BMPER: variants seen among roughly 807,000 people sequenced by gnomAD.
BMPER encodes BMP-binding endothelial regulator protein.
In BMPER, 45 loss-of-function variants were observed where a neutral mutation model predicts 87.3. The observed-to-expected ratio is 0.52, with a 90% CI of 0.41 to 0.66. BMPER has a LOEUF of 0.66. Ranked by LOEUF, BMPER falls within the 30% of genes least tolerant of loss-of-function variation. BMPER has a pLI of 0.00. For missense variants in BMPER, 784 were observed against 867.5 expected (o/e 0.90, Z 1.21); for synonymous variants, 326 against 316.2 (o/e 1.03, Z -0.33).
At chr7:33,955,182 C>G (rs1219406719) in intron 3 of BMPER, among the ~76,000 whole-genome samples, 1 of 152,192 alleles carries the variant, frequency 6.6e-6, no homozygotes, top group African/African-American at 2.4e-5. Flanking sequence ...CAGGCGTAAG[C>G]CACTGTGCCT....
At chr7:34,024,922 TTTC>T (rs1468688905) in intron 6 of BMPER, among the ~76,000 whole-genome samples, 2 of 151,986 alleles carry the variant, frequency 1.3e-5, no homozygotes, top group African/African-American at 4.8e-5. Context: ...AGAAAGAAAG[TTTC>T]TCAAATAGGA....
At chr7:33,941,549 C>T (rs1245227054) in intron 3 of BMPER, among the ~76,000 whole-genome samples, 4 of 152,076 alleles carry the variant, frequency 2.6e-5, no homozygotes, top group Non-Finnish European at 5.9e-5. Context: ...TAGATGGTCC[C>T]ATCTAGGGTT....
At chr7:33,910,722 C>T (rs905883573) in intron 2 of BMPER, among the ~76,000 whole-genome samples, 1 of 152,192 alleles carries the variant, frequency 6.6e-6, no homozygotes, top group African/African-American at 2.4e-5. Flanking sequence ...ATCAGGGCTC[C>T]ACCTGTCTTG....
chr7:34,019,775 T>C (rs1325767578), intron 6 of BMPER, among the ~76,000 whole-genome samples: 1 of 151,876 alleles, frequency 6.6e-6, no homozygotes, highest in African/African-American at 2.4e-5. Flanking sequence ...GTCAACACAC[T>C]AGCAATTACA....
intron 6 of BMPER, among the ~76,000 whole-genome samples, chr7:34,031,993 AT>A (rs1161830763): frequency 7.0e-6 from 1 of 143,730 alleles, no homozygotes; most frequent in Non-Finnish European, 1.5e-5. Flanking sequence ...ATATAAATAT[AT>A]ATGTGTGTGT....
chr7:33,997,664 G>A (rs1270569253), intron 6 of BMPER, among the ~76,000 whole-genome samples: 1 of 152,254 alleles, frequency 6.6e-6, no homozygotes, highest in Middle Eastern at 3.4e-3. Flanking sequence ...TGTGAAAACG[G>A]AGTAATATAC....
rs1044055700 is a variant in BMPER, at chr7:34,143,261, G to C, written c.1777G>C (p.Val593Leu). 9.3e-6 allele frequency: 15 copies of C among 1,614,064 alleles called. No homozygotes were observed. Among genetic ancestry groups the C allele is most frequent in the Non-Finnish European group, 1.3e-5 (15 of 1,179,960 alleles). Residue 593 changes from valine (V) to leucine (L), a missense_variant, in exon 14 of 15, where the codon GTC (valine) becomes CTC (leucine). By Grantham distance (32) the Val-to-Leu change is conservative (BLOSUM62 1). Coordinates refer to ENST00000649409, the MANE Select transcript of BMPER (RefSeq NM_001365308.1). ...SCVTDMCECP[V>L]HKNCYCESFL... ...TGTGACAGACATGTGTGAATGTCCA[G>C]TCCATAAAAACTGTTATTGCGAGTC...
chr7:33,966,658 C>A lies in BMPER; in HGVS notation c.402+97C>A. 6.1e-5 allele frequency: 70 copies of A among 1,142,192 alleles called. No homozygotes were observed. In the Middle Eastern group the frequency reaches 6.2e-4, roughly 10 times the overall value. The allele number at this position is 1,142,192 out of a possible 1,614,324, so 70.8% of individuals were successfully genotyped here. A position where few individuals can be genotyped will look rare whatever the true frequency, so the allele number is the denominator to read the frequency against. On this transcript the variant is annotated intron_variant, in intron 4 of 14. Coordinates refer to ENST00000649409, the MANE Select transcript of BMPER (RefSeq NM_001365308.1). ...ACATAGAACAAAACCCTAAAAAGGC[C>A]AAACAGAAATGAAAAAAACAATGAA...
chr7:33,908,567 GA>G (rs1202381495), intron 2 of BMPER, among the ~76,000 whole-genome samples: 1 of 152,160 alleles, frequency 6.6e-6, no homozygotes, highest in African/African-American at 2.4e-5. Flanking sequence ...GATTACATCT[GA>G]AAAGATGCAT....
Position 34,153,396 on chromosome 7 carries a change from G to GC in BMPER, c.*123_*124insC. ...AAACACACACACACAGAGTATATAT[G>GC]TGTATATATATATAGATATATTCAA... On this transcript the variant is annotated 3_prime_UTR_variant, in exon 15 of 15. Transcript: ENST00000649409. The GC allele has an allele frequency of 1.1e-6, 1 of 872,248 alleles. No homozygotes were observed. Among genetic ancestry groups the GC allele is most frequent in the South Asian group, 1.5e-5 (1 of 68,606 alleles). 54.0% of individuals were successfully genotyped at this position (872,248 alleles called of 1,614,324 possible).
At chr7:34,089,054 A>G (rs1789300984) in intron 13 of BMPER, among the ~76,000 whole-genome samples, 1 of 152,160 alleles carries the variant, frequency 6.6e-6, no homozygotes, top group African/African-American at 2.4e-5. Flanking sequence ...CATACATCCC[A>G]CACATGTAAA....
At chr7:34,100,926 G>T (rs1411098418) in intron 13 of BMPER, among the ~76,000 whole-genome samples, 3 of 152,148 alleles carry the variant, frequency 2.0e-5, no homozygotes, top group Non-Finnish European at 4.4e-5. Flanking sequence ...CTGGCATGAG[G>T]TTTAGATCCT....
At chr7:33,950,904 T>C (rs933278388) in intron 3 of BMPER, among the ~76,000 whole-genome samples, 10 of 152,240 alleles carry the variant, frequency 6.6e-5, no homozygotes, top group Admixed American at 6.5e-4. Flanking sequence ...GCTTGCCCAA[T>C]CAGTACACAC....
intron 6 of BMPER, among the ~76,000 whole-genome samples, chr7:34,043,314 G>C (rs1170136080): frequency 1.3e-5 from 2 of 152,140 alleles, no homozygotes; most frequent in Non-Finnish European, 2.9e-5. Context: ...TCTTTCAATT[G>C]TTTGTAAAGT....
intron 13 of BMPER, among the ~76,000 whole-genome samples, chr7:34,128,578 G>A (rs1214724121): frequency 1.3e-5 from 2 of 152,156 alleles, no homozygotes; most frequent in Non-Finnish European, 2.9e-5. Flanking sequence ...GTAAAAAATG[G>A]CATGATAGGA....
chr7:34,129,577 G>GGAGAGAGA (rs759886152), intron 13 of BMPER, among the ~76,000 whole-genome samples: 4,689 of 47,476 alleles, frequency 0.099, 174 homozygotes, highest in Non-Finnish European at 0.12. Flanking sequence ...AAGGAAGGAA[G>GGAGAGAGA]GAGAGAGAGA....
At chr7:34,141,690 G>A (rs925883841) in intron 13 of BMPER, among the ~76,000 whole-genome samples, 8 of 150,296 alleles carry the variant, frequency 5.3e-5, no homozygotes, top group African/African-American at 1.5e-4. Flanking sequence ...GCTGGTTATC[G>A]TGTCTTAGGT....
chr7:34,054,203 T>C (rs1213570760), intron 8 of BMPER, among the ~76,000 whole-genome samples: 1 of 152,178 alleles, frequency 6.6e-6, no homozygotes, highest in Non-Finnish European at 1.5e-5. Flanking sequence ...TCCATCTCTG[T>C]ATTTGTATTC....
chr7:34,107,132 G>T (rs1055757054), intron 13 of BMPER, among the ~76,000 whole-genome samples: 6 of 152,158 alleles, frequency 3.9e-5, no homozygotes, highest in African/African-American at 1.4e-4. Flanking sequence ...CAACCAGAGG[G>T]TGTAAATGCC....
Sources: gnomAD v4.1 joint callset for allele counts (sites outside exome capture counted in the v4.1 genomes callset) on GRCh38, gnomAD v4.1.1 for gene constraint, MANE v1.5 for transcripts, NCBI Gene and HGNC (gene_info 2026-07-23, HGNC 2026-07-21) for gene names.